Variants in CRADD observed in about 807,000 individuals in gnomAD.
The protein encoded by CRADD is CARD and death domain containing adaptor protein, also known as death domain-containing protein CRADD.
In CRADD, 9 loss-of-function variants were observed where a neutral mutation model predicts 15.5. The ratio of observed to expected loss-of-function variants is 0.58; its 90% confidence interval spans 0.35 to 1.01. CRADD has a LOEUF of 1.01. Among genes scored for constraint, CRADD ranks in the 50% least tolerant of loss-of-function variants. The pLI, the probability that CRADD is intolerant of heterozygous loss-of-function variation, is 0.02. For missense variants in CRADD, 227 were observed against 250.3 expected (o/e 0.91, Z 0.63); for synonymous variants, 118 against 107.6 (o/e 1.10, Z -0.60).
At chr12:93,743,135 A>G (rs1956701841) in intron 2 of CRADD, among the ~76,000 whole-genome samples, 1 of 152,212 alleles carries the variant, frequency 6.6e-6, no homozygotes, top group African/African-American at 2.4e-5. Context: ...ATAGAGTAAT[A>G]GTAACTTAAC....
chr12:93,887,163 A>C (rs1375935646), intron 2 of CRADD, among the ~76,000 whole-genome samples: 1 of 152,234 alleles, frequency 6.6e-6, no homozygotes, highest in African/African-American at 2.4e-5. Context: ...GTGGGGAAAT[A>C]TGAGAATTAC....
At chr12:93,704,941 T>C (rs572123132) in intron 2 of CRADD, among the ~76,000 whole-genome samples, 2 of 152,330 alleles carry the variant, frequency 1.3e-5, no homozygotes, top group South Asian at 4.1e-4. Context: ...TCTGGTAATT[T>C]AGGTGTCAGG....
intron 2 of CRADD, among the ~76,000 whole-genome samples, chr12:93,808,814 T>C (rs1366030477): frequency 6.6e-6 from 1 of 151,904 alleles, no homozygotes; most frequent in African/African-American, 2.4e-5. Context: ...CTGACCATGT[T>C]CCTAGGAGGT....
At position 93,688,071 on chromosome 12, in the gene CRADD, C is replaced by G. The variant is rs189346391; in HGVS notation, c.298+8999C>G. Among the ~76,000 whole-genome samples, 823 of 152,276 alleles carry G rather than the reference C, an allele frequency of 5.4e-3. 3 individuals are homozygous for G. Among genetic ancestry groups the G allele is most frequent in the South Asian group, 0.015 (72 of 4,822 alleles). ...GCTGAAGAACGAGTTGGATGCTCCT[C>G]TCAGTTAAAAAGTGAGCTGAAGATG... On this transcript the variant is annotated intron_variant, in intron 2 of 2. Coordinates refer to ENST00000332896, the MANE Select transcript of CRADD (RefSeq NM_003805.5).
intron 2 of CRADD, among the ~76,000 whole-genome samples, chr12:93,719,760 A>T (rs140171801): frequency 2.8e-4 from 42 of 152,116 alleles, no homozygotes; most frequent in African/African-American, 1.0e-3. Flanking sequence ...TTATCCTTTT[A>T]ATGTTCATGG....
At chr12:93,738,228 A>G (rs538500558) in intron 2 of CRADD, 79 of 621,722 alleles carry the variant, frequency 1.3e-4, no homozygotes, top group African/African-American at 1.2e-3. Flanking sequence ...GGACTGGCCG[A>G]AGAATGGGGT....
intron 2 of CRADD, among the ~76,000 whole-genome samples, chr12:93,706,746 T>C (rs1955959648): frequency 6.6e-6 from 1 of 152,250 alleles, no homozygotes. Flanking sequence ...TTGAGTGTTT[T>C]CTATTCTGGC....
intron 2 of CRADD, among the ~76,000 whole-genome samples, chr12:93,795,901 G>T (rs1028258707): frequency 4.6e-5 from 7 of 152,182 alleles, no homozygotes; most frequent in Non-Finnish European, 7.4e-5. Context: ...GACACACTAG[G>T]GATGTCCCAG....
chr12:93,806,250 G>A (rs59426038), intron 2 of CRADD, among the ~76,000 whole-genome samples: 13,048 of 151,752 alleles, frequency 0.086, 754 homozygotes, highest in Admixed American at 0.2. Flanking sequence ...TCAGGAGTTC[G>A]AGACCAGCCT....
At chr12:93,757,299 T>G (rs367952009) in intron 2 of CRADD, among the ~76,000 whole-genome samples, 4 of 152,230 alleles carry the variant, frequency 2.6e-5, no homozygotes, top group African/African-American at 9.6e-5. Flanking sequence ...TTGGTTTTAC[T>G]GTCTTCTCTC....
chr12:93,820,461 A>G (rs11833907), intron 2 of CRADD, among the ~76,000 whole-genome samples: 8,464 of 151,908 alleles, frequency 0.056, 803 homozygotes, highest in African/African-American at 0.19. Context: ...AGGCAGGAGA[A>G]TGGCGTGAAC....
chr12:93,765,591 C>T (rs928734287), intron 2 of CRADD, among the ~76,000 whole-genome samples: 10 of 152,058 alleles, frequency 6.6e-5, no homozygotes, highest in Non-Finnish European at 1.3e-4. Context: ...GGGCATGAAC[C>T]GGCTCCTGGG....
At chr12:93,872,232 G>A (rs1472998723) in intron 2 of CRADD, among the ~76,000 whole-genome samples, 1 of 152,090 alleles carries the variant, frequency 6.6e-6, no homozygotes, top group Non-Finnish European at 1.5e-5. Flanking sequence ...GTCTATTCAA[G>A]TCTTTTGCCC....
At chr12:93,743,066 T>C (rs373152332) in intron 2 of CRADD, among the ~76,000 whole-genome samples, 13 of 152,240 alleles carry the variant, frequency 8.5e-5, no homozygotes, top group African/African-American at 1.9e-4. Flanking sequence ...TAATAATTTA[T>C]GTTGCTATGA....
intron 2 of CRADD, among the ~76,000 whole-genome samples, chr12:93,770,308 A>G (rs1957072896): frequency 6.6e-6 from 1 of 151,944 alleles, no homozygotes; most frequent in African/African-American, 2.4e-5. Context: ...CGTGTTAGCC[A>G]GGATGGTCTC....
intron 2 of CRADD, among the ~76,000 whole-genome samples, chr12:93,746,218 C>T (rs556408733): frequency 6.6e-6 from 1 of 152,308 alleles, no homozygotes; most frequent in Admixed American, 6.5e-5. Context: ...TTGAACCCAT[C>T]TTGTTTGAAG....
intron 2 of CRADD, among the ~76,000 whole-genome samples, chr12:93,893,030 C>T (rs975123538): frequency 1.7e-4 from 26 of 152,304 alleles, no homozygotes; most frequent in African/African-American, 5.3e-4. Flanking sequence ...GTCCCCAAGA[C>T]GGGAAGGGAC....
intron 2 of CRADD, chr12:93,831,392 T>C (rs1259276187): frequency 1.3e-5 from 2 of 152,236 alleles, no homozygotes; most frequent in African/African-American, 4.8e-5. Flanking sequence ...AATTTTTTAA[T>C]AATTTTTTTT....
intron 2 of CRADD, chr12:93,859,244 T>C (rs1958299890): frequency 2.9e-5 from 13 of 443,340 alleles, no homozygotes; most frequent in South Asian, 2.1e-4. Flanking sequence ...TGAAATTGTT[T>C]TAAATTGTTT....
Sources: allele counts gnomAD v4.1 joint callset (sites outside exome capture counted in the v4.1 genomes callset), GRCh38; gene constraint gnomAD v4.1.1; transcripts MANE v1.5; gene names NCBI Gene and HGNC (gene_info 2026-07-23, HGNC 2026-07-21).